Variants in PBRM1 observed in about 807,000 individuals in gnomAD.
PBRM1 encodes the protein protein polybromo-1.
A neutral mutation model predicts 194.5 loss-of-function variants in PBRM1; 27 were observed. The observed-to-expected ratio is 0.14, with a 90% CI of 0.10 to 0.19. The LOEUF (loss-of-function observed/expected upper bound fraction) is 0.19, where lower values mean the gene tolerates loss of function less well. Ranked by LOEUF, PBRM1 falls within the 10% of genes least tolerant of loss-of-function variation. The pLI is 1.00. For missense variants in PBRM1, 1,466 were observed against 2,077.2 expected (o/e 0.71, Z 5.72); for synonymous variants, 655 against 693.2 (o/e 0.94, Z 0.87).
intron 12 of PBRM1, among the ~76,000 whole-genome samples, chr3:52,628,611 C>G (rs1360773601): frequency 6.6e-6 from 1 of 152,032 alleles, no homozygotes; most frequent in South Asian, 2.1e-4. Context: ...GCTGGGACTA[C>G]AGGCGTGTGC....
At chr3:52,646,232 A>T (rs1056331030) in intron 7 of PBRM1, among the ~76,000 whole-genome samples, 2 of 152,234 alleles carry the variant, frequency 1.3e-5, no homozygotes, top group African/African-American at 2.4e-5. Context: ...ATCATTAAAT[A>T]CCAACAGCAA....
Position 52,580,372 on chromosome 3 carries a change from T to G in PBRM1, c.3388-1173A>C, listed in dbSNP as rs187144115. Among the ~76,000 whole-genome samples the G allele has an allele frequency of 2.0e-3, 304 of 152,278 alleles. 1 individual carries two copies. The highest frequency in any genetic ancestry group is 3.0e-3 in the Admixed American group (46 of 15,298). ...TGCTTTTTTTGTTGTTGTTGTTGTT[T>G]TTTTGAGACATAGTCTCCCTCTGTC... On this transcript the variant is annotated intron_variant, in intron 20 of 29. Transcript: ENST00000296302.
chr3:52,609,660 C>T lies in PBRM1; in HGVS notation c.2220G>A (p.Glu740=), dbSNP rs1293010915. ...CATCTTTGTAGATCAAAGACTCCGG[C>T]TCATTGTATGTACAGGCATTATTAA... The change falls in exon 16 of 30, where the codon GAG becomes GAA. Residue 740 remains glutamate (E), a synonymous_variant. Coordinates refer to ENST00000296302, the Ensembl canonical transcript of PBRM1. The surrounding 1 kb of genome is among the most constrained non-coding windows in gnomAD (Gnocchi z 4.1). 6.2e-7 allele frequency: 1 copy of T among 1,613,280 alleles called. No individual in the cohort carries two copies. Among genetic ancestry groups the T allele is most frequent in the East Asian group, 2.2e-5 (1 of 44,880 alleles).
At chr3:52,626,560 TA>T (rs1292990103) in intron 13 of PBRM1, among the ~76,000 whole-genome samples, 1 of 152,092 alleles carries the variant, frequency 6.6e-6, no homozygotes, top group African/African-American at 2.4e-5. Context: ...CAGTCATGAT[TA>T]AAGGACAATA....
chr3:52,662,893 C>G (rs1387936145), intron 3 of PBRM1, among the ~76,000 whole-genome samples: 1 of 149,916 alleles, frequency 6.7e-6, no homozygotes, highest in Non-Finnish European at 1.5e-5. Flanking sequence ...AGAAAGACAA[C>G]TTAAAGGATA....
chr3:52,609,508 C>T lies in PBRM1; in HGVS notation c.2372G>A (p.Ser791Asn). ...GCATCTTCCCTCATCATCCTGATGA[C>T]TCATGACTGACACAAAAAGATTGTG... The change falls in exon 16 of 30, where the codon AGT (serine) becomes AAT (asparagine). Residue 791 changes from serine (S) to asparagine (N), a missense_variant. Ser to Asn is a conservative substitution (Grantham distance 46). Coordinates refer to ENST00000296302, the Ensembl canonical transcript of PBRM1. This position sits in a 1 kb window ranked among gnomAD's most constrained non-coding sequence, Gnocchi z 4.1. The T allele has an allele frequency of 1.2e-6, 2 of 1,613,450 alleles. No homozygotes were observed. Among genetic ancestry groups the T allele is most frequent in the Non-Finnish European group, 1.7e-6 (2 of 1,179,374 alleles).
At chr3:52,646,297 AT>A (rs1190010128) in intron 7 of PBRM1, among the ~76,000 whole-genome samples, 6 of 152,170 alleles carry the variant, frequency 3.9e-5, no homozygotes, top group African/African-American at 1.4e-4. Flanking sequence ...TTCCCAAAAG[AT>A]TTTCTGAGTC....
intron 8 of PBRM1, among the ~76,000 whole-genome samples, chr3:52,644,139 T>C (rs148353250): frequency 2.0e-5 from 3 of 151,882 alleles, no homozygotes; most frequent in South Asian, 4.1e-4. Flanking sequence ...CCATATATTA[T>C]ATATGTATAT....
At chr3:52,674,608 AGGG>A (rs1303049365) in intron 2 of PBRM1, among the ~76,000 whole-genome samples, 1 of 144,000 alleles carries the variant, frequency 6.9e-6, no homozygotes, top group East Asian at 2.0e-4. Flanking sequence ...TGGGCAACAC[AGGG>A]AAACCCTGTC....
At chr3:52,683,324 A>G (rs1359198568), upstream of PBRM1, among the ~76,000 whole-genome samples, 4 of 151,796 alleles carry the variant, frequency 2.6e-5, no homozygotes, top group Non-Finnish European at 5.9e-5. Context: ...CAGCAAGCCG[A>G]GATCATACCA....
At chr3:52,628,831 C>A in intron 12 of PBRM1, 63 bp downstream of exon 13, 1 of 1,483,646 alleles carries the variant, frequency 6.7e-7, no homozygotes, top group South Asian at 1.1e-5. Flanking sequence ...AGAACACACT[C>A]AAAACATGCA....
At chr3:52,589,042 A>G in intron 18 of PBRM1, 28 bp downstream of exon 20, 1 of 1,560,488 alleles carries the variant, frequency 6.4e-7, no homozygotes, top group South Asian at 1.1e-5. Flanking sequence ...ATCTCACTAA[A>G]CTGTCCTTTG....
chr3:52,595,521 T>G (rs967956221), intron 17 of PBRM1, among the ~76,000 whole-genome samples: 1 of 152,226 alleles, frequency 6.6e-6, no homozygotes, highest in African/African-American at 2.4e-5. Context: ...ACTTTTTAAT[T>G]GGATTATTAG....
At chr3:52,587,913 C>T (rs2092615849) in intron 18 of PBRM1, among the ~76,000 whole-genome samples, 1 of 151,044 alleles carries the variant, frequency 6.6e-6, no homozygotes, top group South Asian at 2.1e-4. Context: ...TATATACACC[C>T]TCAACCTCTT....
chr3:52,680,651 T>TTTTCTTTC (rs536552711), upstream of PBRM1, among the ~76,000 whole-genome samples: 1 of 151,938 alleles, frequency 6.6e-6, no homozygotes. Context: ...TGAAAGGCCT[T>TTTTCTTTC]TTTCTTTCTT....
rs2094486365 is a variant in PBRM1, at chr3:52,609,053, A to C, written c.2567+260T>G. The C allele has an allele frequency of 5.3e-6, 2 of 380,358 alleles. No individual in the cohort carries two copies. Among genetic ancestry groups the C allele is most frequent in the Non-Finnish European group, 9.5e-6 (2 of 211,454 alleles). The allele number at this position is 380,358 out of a possible 1,614,324, so 23.6% of individuals were successfully genotyped here. The stretch of plus-strand genomic sequence containing the variant: ...CACATTCTATGAAAGGCTGTATTTT[A>C]AGTTTATGCTTTTCAAGAGATTTTC... On this transcript the variant is annotated intron_variant, in intron 16 of 29. Transcript: ENST00000296302. The surrounding 1 kb of genome is among the most constrained non-coding windows in gnomAD (Gnocchi z 4.1).
chr3:52,600,256 A>C (rs1208143191), intron 17 of PBRM1, among the ~76,000 whole-genome samples: 1 of 152,202 alleles, frequency 6.6e-6, no homozygotes, highest in Non-Finnish European at 1.5e-5. Flanking sequence ...ATTTCACTAA[A>C]TAGGTTTTTC....
chr3:52,604,307 CTG>C (rs2153357875), intron 16 of PBRM1, among the ~76,000 whole-genome samples: 1 of 152,250 alleles, frequency 6.6e-6, no homozygotes, highest in East Asian at 1.9e-4. Flanking sequence ...CCAGAAATAA[CTG>C]TGTAATTCTG....
intron 2 of PBRM1, among the ~76,000 whole-genome samples, chr3:52,672,022 A>G (rs575371467): frequency 6.6e-6 from 1 of 152,324 alleles, no homozygotes; most frequent in East Asian, 1.9e-4. Flanking sequence ...CCCATTTATT[A>G]TATTAGTTCT....
Sources: gnomAD v4.1 joint callset for allele counts (sites outside exome capture counted in the v4.1 genomes callset) on GRCh38, gnomAD v4.1.1 for gene constraint, Gnocchi (gnomAD v3.1) non-coding constraint, MANE v1.5 for transcripts, NCBI Gene and HGNC (gene_info 2026-07-23, HGNC 2026-07-21) for gene names.